The following ARPC5L variants were observed in gnomAD, a reference collection of about 807,000 sequenced individuals.
ARPC5L encodes actin-related protein 2/3 complex subunit 5-like protein.
In ARPC5L, 4 loss-of-function variants were observed where a neutral mutation model predicts 16.9. That is an observed-to-expected ratio of 0.24 (90% CI 0.12 to 0.54). ARPC5L has a LOEUF of 0.54. Ranked by LOEUF, ARPC5L falls within the 20% of genes least tolerant of loss-of-function variation. The pLI is 0.95. For synonymous variants in ARPC5L, 78 were observed against 82.6 expected, an observed-to-expected ratio of 0.94 and a Z score of 0.30; for missense variants, 151 against 201.9, an observed-to-expected ratio of 0.75 and a Z score of 1.53.
At chr9:124,867,886 T>G (rs993956282) in intron 2 of ARPC5L, among the ~76,000 whole-genome samples, 1 of 150,682 alleles carries the variant, frequency 6.6e-6, no homozygotes, top group Non-Finnish European at 1.5e-5. Flanking sequence ...CTCAGCTCAG[T>G]GCAACCTCTA....
intron 4 of ARPC5L, among the ~76,000 whole-genome samples, chr9:124,874,588 A>G (rs1829405012): frequency 6.6e-6 from 1 of 152,114 alleles, no homozygotes; most frequent in South Asian, 2.1e-4. Context: ...GCCCTAACTG[A>G]GGTGGGAGGA....
chr9:124,871,569 C>T (rs1195443740), intron 3 of ARPC5L, among the ~76,000 whole-genome samples: 1 of 152,136 alleles, frequency 6.6e-6, no homozygotes, highest in Non-Finnish European at 1.5e-5. Context: ...AATTCCATTG[C>T]CTTTAAAATG....
chr9:124,875,458 CTAGG>C (rs1829419492), intron 5 of ARPC5L, among the ~76,000 whole-genome samples: 1 of 152,152 alleles, frequency 6.6e-6, no homozygotes, highest in Admixed American at 6.5e-5. Context: ...GTCAGGGAGT[CTAGG>C]TAGGAAGGGG....
chr9:124,869,916 T>C lies in ARPC5L; in HGVS notation c.149+477T>C, dbSNP rs772619806. On this transcript the variant is annotated intron_variant, in intron 3 of 5. Coordinates refer to ENST00000353214, the MANE Select transcript of ARPC5L (RefSeq NM_030978.3). ...GGTCCTCCGGGGCCCGATTGCTGCA[T>C]GGCGTGAAGATAGGTGGGTGGACGG... Among the ~76,000 whole-genome samples, 77 of 152,290 alleles carry C rather than the reference T, an allele frequency of 5.1e-4. No individual in the cohort carries two copies. In the Middle Eastern group the frequency reaches 0.01, roughly 20 times the overall value.
chr9:124,869,152 T>C lies in ARPC5L; in HGVS notation c.-139T>C. On this transcript the variant is annotated 5_prime_UTR_variant, in exon 3 of 6. Transcript: ENST00000353214. ...CCGGAAGTGGGCGGGCGGCGGCGGC[T>C]GCGCGCGGAGGCGGTGGAGGAGGTG... is the stretch of plus-strand genomic sequence containing the variant. The C allele has an allele frequency of 2.0e-6, 2 of 998,634 alleles. No individual in the cohort carries two copies. The highest frequency in any genetic ancestry group is 2.6e-6 in the Non-Finnish European group (2 of 767,666). 61.9% of individuals were successfully genotyped at this position (998,634 alleles called of 1,614,324 possible). A position where few individuals can be genotyped will look rare whatever the true frequency, so the allele number is the denominator to read the frequency against.
chr9:124,865,315 T>TTAAA, intron 2 of ARPC5L, among the ~76,000 whole-genome samples: 1 of 107,056 alleles, frequency 9.3e-6, no homozygotes, highest in Non-Finnish European at 1.8e-5. Context: ...AAACTCTGTC[T>TTAAA]AAAAAAAAAA....
Position 124,877,022 on chromosome 9 carries a change from T to C in ARPC5L, c.*82T>C. ...AAGAAGGGATTGACAATGGACCATC[T>C]TCCTAGGAACTCCCAAGTAAACTAT... On this transcript the variant is annotated 3_prime_UTR_variant, in exon 6 of 6. Transcript: ENST00000353214. 1.8e-6 allele frequency: 2 copies of C among 1,107,624 alleles called. No homozygotes were observed. The highest frequency in any genetic ancestry group is 2.8e-5 in the South Asian group (2 of 71,292). 68.6% of individuals were successfully genotyped at this position (1,107,624 alleles called of 1,614,324 possible).
intron 3 of ARPC5L, 127 bp downstream of exon 3, chr9:124,869,566 C>G (rs1829325408): frequency 2.2e-6 from 3 of 1,358,076 alleles, no homozygotes; most frequent in South Asian, 3.4e-5. Context: ...AGGTCAGCCT[C>G]CAGCTCCCTG....
Position 124,868,707 on chromosome 9 carries a change from C to G in ARPC5L, c.-584C>G, listed in dbSNP as rs1039645507. 6.6e-6 allele frequency: 1 copy of G among 152,444 alleles called. No homozygotes were observed. Among genetic ancestry groups the G allele is most frequent in the African/African-American group, 2.4e-5 (1 of 41,496 alleles). The allele number at this position is 152,444 out of a possible 1,614,324, so 9.4% of individuals were successfully genotyped here. On this transcript the variant is annotated 5_prime_UTR_variant, in exon 3 of 6. Transcript: ENST00000353214. ...GTACTAAGTGTGGTGGCGTTCAAGG[C>G]TCCGAGACACAGGCGCCTCCCGCGC...
intron 3 of ARPC5L, chr9:124,873,370 A>G (rs1030425615): frequency 2.9e-6 from 1 of 348,368 alleles, no homozygotes; most frequent in Admixed American, 4.4e-5. Flanking sequence ...GTGAGGATCC[A>G]GTAGGGGAGA....
At chr9:124,865,517 A>G (rs763603155) in intron 2 of ARPC5L, among the ~76,000 whole-genome samples, 3 of 151,932 alleles carry the variant, frequency 2.0e-5, no homozygotes, top group Non-Finnish European at 4.4e-5. Context: ...AGGCCGGGTG[A>G]GGTGGCTCAC....
chr9:124,869,187 G>A lies in ARPC5L; in HGVS notation c.-104G>A, dbSNP rs1829316025. ...GGCGGTGGAGGAGGTGCTGGGAGCA[G>A]CCGGGCAGCCGCTTCCCGCCCCCGA... On this transcript the variant is annotated 5_prime_UTR_variant, in exon 3 of 6. Coordinates refer to ENST00000353214, the MANE Select transcript of ARPC5L (RefSeq NM_030978.3). 4 of 1,273,680 alleles carry A rather than the reference G, an allele frequency of 3.1e-6. No homozygotes were observed. Among genetic ancestry groups the A allele is most frequent in the Admixed American group, 8.4e-5 (2 of 23,746 alleles). 78.9% of individuals were successfully genotyped at this position (1,273,680 alleles called of 1,614,324 possible).
At chr9:124,875,531 T>A (rs1358372721) in intron 5 of ARPC5L, among the ~76,000 whole-genome samples, 4 of 151,010 alleles carry the variant, frequency 2.6e-5, no homozygotes, top group African/African-American at 9.7e-5. Context: ...CTGTTGGGGG[T>A]TCTTAGAAAT....
chr9:124,866,431 T>A (rs1829271564), intron 2 of ARPC5L, among the ~76,000 whole-genome samples: 1 of 144,354 alleles, frequency 6.9e-6, no homozygotes, highest in African/African-American at 2.6e-5. Flanking sequence ...TAAAACAAAA[T>A]AAGAAATTGG....
At chr9:124,871,452 G>A (rs962146119) in intron 3 of ARPC5L, among the ~76,000 whole-genome samples, 1 of 152,238 alleles carries the variant, frequency 6.6e-6, no homozygotes, top group African/African-American at 2.4e-5. Context: ...GCTCGGGTCT[G>A]CAGATAGAGC....
intron 2 of ARPC5L, among the ~76,000 whole-genome samples, chr9:124,867,005 C>G (rs1829279120): frequency 6.6e-6 from 1 of 152,186 alleles, no homozygotes; most frequent in Middle Eastern, 3.2e-3. Context: ...ACTCTCCTCC[C>G]AACCCCCACC....
intron 5 of ARPC5L, among the ~76,000 whole-genome samples, chr9:124,875,680 C>T (rs557999905): frequency 2.6e-5 from 4 of 152,342 alleles, no homozygotes; most frequent in South Asian, 2.1e-4. Context: ...GTCTGCCCTT[C>T]GCTTGGGTCC....
intron 4 of ARPC5L, among the ~76,000 whole-genome samples, chr9:124,874,707 T>TCC (rs1829407168): frequency 1.3e-5 from 2 of 149,374 alleles, no homozygotes; most frequent in African/African-American, 4.9e-5. Context: ...CTCTTTTCTC[T>TCC]TCTCTCTCTC....
rs1007211911 is a variant in ARPC5L at position 124,869,190 on chromosome 9, G to A, written c.-101G>A. 27 of 1,285,328 alleles carry A rather than the reference G, an allele frequency of 2.1e-5. No homozygotes were observed. Among genetic ancestry groups the A allele is most frequent in the African/African-American group, 3.2e-5 (2 of 63,470 alleles). 79.6% of individuals were successfully genotyped at this position (1,285,328 alleles called of 1,614,324 possible). ...GGTGGAGGAGGTGCTGGGAGCAGCC[G>A]GGCAGCCGCTTCCCGCCCCCGAGCA... On this transcript the variant is annotated 5_prime_UTR_variant, in exon 3 of 6. Transcript: ENST00000353214.
Sources: allele counts gnomAD v4.1 joint callset (sites outside exome capture counted in the v4.1 genomes callset), GRCh38; gene constraint gnomAD v4.1.1; transcripts MANE v1.5; gene names NCBI Gene and HGNC (gene_info 2026-07-23, HGNC 2026-07-21).